RXRB: variants seen among roughly 807,000 people sequenced by gnomAD.
RXRB encodes retinoic acid receptor RXR-beta.
Under a neutral mutation model 52.5 loss-of-function variants are expected in RXRB, and 18 were observed. That is an observed-to-expected ratio of 0.34 (90% CI 0.24 to 0.51). The LOEUF (loss-of-function observed/expected upper bound fraction) is 0.51, where lower values mean the gene tolerates loss of function less well. Ranked by LOEUF, RXRB falls within the 20% of genes least tolerant of loss-of-function variation. The probability of loss-of-function intolerance (pLI) is 0.97; values close to 1 mark genes in which losing one functional copy is unlikely to be tolerated. For synonymous variants in RXRB, 233 were observed against 267.1 expected (o/e 0.87, Z 1.25); for missense variants, 455 against 698.2 (o/e 0.65, Z 3.92).
chr6:33,194,522 T>C lies in RXRB; in HGVS notation c.*160A>G. The C allele has an allele frequency of 1.4e-6, 1 of 692,076 alleles. No homozygotes were observed. Among genetic ancestry groups the C allele is most frequent in the Non-Finnish European group, 2.3e-6 (1 of 437,746 alleles). The allele number at this position is 692,076 out of a possible 1,614,324, so 42.9% of individuals were successfully genotyped here. A position where few individuals can be genotyped will look rare whatever the true frequency, so the allele number is the denominator to read the frequency against. On this transcript the variant is annotated 3_prime_UTR_variant, in exon 10 of 10. Transcript: ENST00000374680. The surrounding 1 kb of genome is among the most constrained non-coding windows in gnomAD (Gnocchi z 4.1). The stretch of plus-strand genomic sequence containing the variant: ...CTGGGGTCCCTTCCAACTTGGGATA[T>C]CAAGCAGATCCCTTGGAGGGTTTAT...
chr6:33,195,361 A>T lies in RXRB; in HGVS notation c.1348+2T>A. ...GAGAGACAAAGGTAATCCTCCTCTT[A>T]CCTGGATTAAACAGAATGATTGCCC... On this transcript the variant is annotated splice_donor_variant, in intron 8 of 9. Transcript: ENST00000374680. LOFTEE classifies it high-confidence loss of function. This position sits in a 1 kb window ranked among gnomAD's most constrained non-coding sequence, Gnocchi z 8.6. The T allele has an allele frequency of 6.3e-7, 1 of 1,597,030 alleles. No homozygotes were observed. Among genetic ancestry groups the T allele is most frequent in the Non-Finnish European group, 8.6e-7 (1 of 1,165,448 alleles).
In RXRB at chr6:33,195,089, A is replaced by G. The variant is rs779038665; in HGVS notation, c.1349-39T>C. The G allele has an allele frequency of 6.8e-7, 1 of 1,460,472 alleles. No individual in the cohort carries two copies. Among genetic ancestry groups the G allele is most frequent in the South Asian group, 1.1e-5 (1 of 87,652 alleles). The allele number at this position is 1,460,472 out of a possible 1,614,324, so 90.5% of individuals were successfully genotyped here. On this transcript the variant is annotated intron_variant, in intron 8 of 9. Transcript: ENST00000374680. The surrounding 1 kb of genome is among the most constrained non-coding windows in gnomAD (Gnocchi z 8.6). ...GAAGAGAGGAGGAAGAGAAATGAAG[A>G]CAAACCAAATCAGGATGGCCATGCA...
In RXRB at chr6:33,197,882, G is replaced by A; in HGVS notation, c.700C>T (p.Arg234Cys). ...GCKGFFKRTI[R>C]KDLTYSCRDN... ...CGGCAAGAGTATGTAAGGTCTTTGC[G>A]GATGGTGCGTTTGAAGAAGCCCTTG... The change falls in exon 4 of 10, where the codon CGC becomes TGC. Residue 234 changes from arginine to cysteine, a missense_variant. By Grantham distance (180) the Arg-to-Cys change is radical. Transcript: ENST00000374680. The surrounding 1 kb of genome is among the most constrained non-coding windows in gnomAD (Gnocchi z 4.4). The A allele has an allele frequency of 1.2e-6, 2 of 1,613,598 alleles. No individual in the cohort carries two copies. The highest frequency in any genetic ancestry group is 1.7e-6 in the Non-Finnish European group (2 of 1,180,020).
chr6:33,200,234 G>A lies in RXRB; in HGVS notation c.235+8C>T, dbSNP rs953831063. 4.8e-5 allele frequency: 77 copies of A among 1,605,378 alleles called. No individual in the cohort carries two copies. The highest frequency in any genetic ancestry group is 5.9e-5 in the Non-Finnish European group (69 of 1,177,416). On this transcript the variant is annotated splice_region_variant and intron_variant, in intron 1 of 9. Transcript: ENST00000374680. This position sits in a 1 kb window ranked among gnomAD's most constrained non-coding sequence, Gnocchi z 6.3. The stretch of plus-strand genomic sequence containing the variant: ...CTGGCTCGCCTGCCCTTCTGCTGGG[G>A]CACTCACCCCGCCCGCTGTCGCCCA...
rs759479158 is a variant in RXRB, at chr6:33,197,738, C to T, written c.820+24G>A. ...AGGGAGAAGGGCATGTGGTCTAAGA[C>T]GCCTGGGCAGGGCGGGTCCTTACCC... On this transcript the variant is annotated intron_variant, in intron 4 of 9. Coordinates refer to ENST00000374680, the MANE Select transcript of RXRB (RefSeq NM_021976.5). This position sits in a 1 kb window ranked among gnomAD's most constrained non-coding sequence, Gnocchi z 4.4. 3.5e-5 allele frequency: 57 copies of T among 1,611,702 alleles called. 2 individuals are homozygous for T. In the African/African-American group the frequency reaches 5.1e-4, roughly 14 times the overall value.
chr6:33,197,692 G>T lies in RXRB; in HGVS notation c.820+70C>A. ...GAGAGCAGTCCACCCTTCCAGAGAG[G>T]TACACAGTCTGAGTGGGATAAGGGA... On this transcript the variant is annotated intron_variant, in intron 4 of 9. Transcript: ENST00000374680. This position sits in a 1 kb window ranked among gnomAD's most constrained non-coding sequence, Gnocchi z 4.4. 1 of 1,439,402 alleles carries T rather than the reference G, an allele frequency of 6.9e-7. No individual in the cohort carries two copies. The highest frequency in any genetic ancestry group is 9.7e-7 in the Non-Finnish European group (1 of 1,036,004). The allele number at this position is 1,439,402 out of a possible 1,614,324, so 89.2% of individuals were successfully genotyped here.
chr6:33,199,495 C>G (rs918101068), intron 1 of RXRB, 79 bp from the exon 2 acceptor site: 6 of 1,130,254 alleles, frequency 5.3e-6, no homozygotes, highest in Non-Finnish European at 6.9e-6. Context: ...CTTCAAACAT[C>G]CAACTAGAGA....
Position 33,199,324 on chromosome 6 carries a change from C to T in RXRB, c.328G>A (p.Ala110Thr), listed in dbSNP as rs1374475725. 4.5e-6 allele frequency: 5 copies of T among 1,119,132 alleles called. No individual in the cohort carries two copies. Among genetic ancestry groups the T allele is most frequent in the East Asian group, 3.5e-5 (1 of 28,752 alleles). The allele number at this position is 1,119,132 out of a possible 1,614,324, so 69.3% of individuals were successfully genotyped here. The change falls in exon 2 of 10, where the codon GCT becomes ACT. Residue 110 changes from alanine to threonine, a missense_variant. Coordinates refer to ENST00000374680, the MANE Select transcript of RXRB (RefSeq NM_021976.5). ...GCCCCAGAGCCTCCAAGGGATGGAG[C>T]TGTTGAAGGGGGTAGGGGTGGCCCA... ...PPGPPLPPST[A>T]PSLGGSGAPP...
At chr6:33,200,765 A>C, upstream of RXRB, 1 of 1,535,120 alleles carries the variant, frequency 6.5e-7, no homozygotes, top group Non-Finnish European at 8.8e-7. This position sits in a 1 kb window ranked among gnomAD's most constrained non-coding sequence, Gnocchi z 6.3. Flanking sequence ...CCCTCAAATC[A>C]CCTCCACACT....
upstream of RXRB, chr6:33,200,686 GC>G: frequency 6.5e-7 from 1 of 1,543,192 alleles, no homozygotes; most frequent in Non-Finnish European, 8.7e-7. This position sits in a 1 kb window ranked among gnomAD's most constrained non-coding sequence, Gnocchi z 6.3. Flanking sequence ...GCGAGTTCCC[GC>G]CCCCTCGTCT....
At position 33,199,161 on chromosome 6, in the gene RXRB, C is replaced by T; in HGVS notation, c.483+8G>A. 1 of 1,298,260 alleles carries T rather than the reference C, an allele frequency of 7.7e-7. No homozygotes were observed. Among genetic ancestry groups the T allele is most frequent in the Non-Finnish European group, 9.8e-7 (1 of 1,017,400 alleles). 80.4% of individuals were successfully genotyped at this position (1,298,260 alleles called of 1,614,324 possible). On this transcript the variant is annotated splice_region_variant and intron_variant, in intron 2 of 9. Transcript: ENST00000374680. Reference sequence around the variant, plus strand: ...TGGCCAGGCAGTAAGTTGGTCACAACCTCTCACCTGGGGGCTGCTGACAGG... The same window carrying T: ...TGGCCAGGCAGTAAGTTGGTCACAATCTCTCACCTGGGGGCTGCTGACAGG...
rs950049122 is a variant in RXRB at position 33,197,114 on chromosome 6, C to T, written c.821-508G>A. 2.0e-5 allele frequency among the ~76,000 whole-genome samples: 3 copies of T among 152,158 alleles called. No homozygotes were observed. Among genetic ancestry groups the T allele is most frequent in the African/African-American group, 7.2e-5 (3 of 41,410 alleles). On this transcript the variant is annotated intron_variant, in intron 4 of 9. Transcript: ENST00000374680. The surrounding 1 kb of genome is among the most constrained non-coding windows in gnomAD (Gnocchi z 4.4). ...TGTGTCTGAGTGCAAATCTTGTGCTCTTCTGACTCAACAAATAGGCAGTGA... is the reference window on the plus strand; with the variant it reads ...TGTGTCTGAGTGCAAATCTTGTGCTTTTCTGACTCAACAAATAGGCAGTGA...
intron 1 of RXRB, 123 bp from the exon 2 acceptor site, chr6:33,199,539 C>T: frequency 1.4e-6 from 1 of 733,250 alleles, no homozygotes. Context: ...GTGCCGGACC[C>T]AGCCCACTCC....
chr6:33,200,748 C>A (rs951119647), upstream of RXRB: 1 of 1,543,788 alleles, frequency 6.5e-7, no homozygotes, highest in Non-Finnish European at 8.7e-7. This position sits in a 1 kb window ranked among gnomAD's most constrained non-coding sequence, Gnocchi z 6.3. Context: ...CCGCCTCGCC[C>A]ACCCTCCCCT....
chr6:33,198,473 G>A lies in RXRB; in HGVS notation c.484-9C>T, dbSNP rs1174485526. ...GACACTGTTGAGTTAATCTGGGATG[G>A]GGGAAATAGGGAAGTCACAGGAAGA... is the stretch of plus-strand genomic sequence containing the variant. On this transcript the variant is annotated splice_polypyrimidine_tract_variant and intron_variant, in intron 2 of 9. Coordinates refer to ENST00000374680, the MANE Select transcript of RXRB (RefSeq NM_021976.5). The A allele has an allele frequency of 1.2e-6, 2 of 1,612,004 alleles. No homozygotes were observed. The highest frequency in any genetic ancestry group is 1.7e-5 in the Admixed American group (1 of 59,994).
In RXRB at chr6:33,194,817, C is replaced by G; in HGVS notation, c.1467G>C (p.Leu489=). ...ACCGGAGGGCAGGAAGACGTAGCAGCAGCTTGGCAAACCTGGGGTGGAGGT... is the reference window on the plus strand; with the variant it reads ...ACCGGAGGGCAGGAAGACGTAGCAGGAGCTTGGCAAACCTGGGGTGGAGGT... ...YPEQQGRFAK[L]LLRLPALRSI... Residue 489 remains leucine, a synonymous_variant, in exon 10 of 10, where the codon CTG becomes CTC. Transcript: ENST00000374680. The surrounding 1 kb of genome is among the most constrained non-coding windows in gnomAD (Gnocchi z 4.1). 6.2e-7 allele frequency: 1 copy of G among 1,612,954 alleles called. No individual in the cohort carries two copies. The highest frequency in any genetic ancestry group is 8.5e-7 in the Non-Finnish European group (1 of 1,180,004).
Position 33,199,226 on chromosome 6 carries a change from G to A in RXRB, c.426C>T (p.Ser142=). Residue 142 remains serine (S), a synonymous_variant, in exon 2 of 10, where the codon TCC becomes TCT. Coordinates refer to ENST00000374680, the MANE Select transcript of RXRB (RefSeq NM_021976.5). ...PFPVISSSMG[S]PGLPPPAPPG... ...GGGGAGCTGGAGGGGGCAGACCAGG[G>A]GACCCCATGGAAGAACTGATGACTG... 7.9e-7 allele frequency: 1 copy of A among 1,261,932 alleles called. No homozygotes were observed. Among genetic ancestry groups the A allele is most frequent in the African/African-American group, 1.5e-5 (1 of 65,288 alleles). 78.2% of individuals were successfully genotyped at this position (1,261,932 alleles called of 1,614,324 possible). A position where few individuals can be genotyped will look rare whatever the true frequency, so the allele number is the denominator to read the frequency against.
In RXRB at chr6:33,195,014, A is replaced by G; in HGVS notation, c.1385T>C (p.Val462Ala). ...TGATGCATACACTTTCTCCCGCAGGACCTCCACCTCACTAGGGTTGGAGAG... is the reference window on the plus strand; with the variant it reads ...TGATGCATACACTTTCTCCCGCAGGGCCTCCACCTCACTAGGGTTGGAGAG... ...KGLSNPSEVEVLREKVYASLE... is the reference protein window; with the variant it reads ...KGLSNPSEVEALREKVYASLE... Residue 462 changes from valine (V) to alanine (A), a missense_variant, in exon 9 of 10, where the codon GTC (valine) becomes GCC (alanine). Coordinates refer to ENST00000374680, the MANE Select transcript of RXRB (RefSeq NM_021976.5). This position sits in a 1 kb window ranked among gnomAD's most constrained non-coding sequence, Gnocchi z 8.6. 6.2e-7 allele frequency: 1 copy of G among 1,612,766 alleles called. No homozygotes were observed.
chr6:33,194,449 T>G lies in RXRB; in HGVS notation c.*233A>C. 2.0e-6 allele frequency: 1 copy of G among 502,956 alleles called. No homozygotes were observed. 31.2% of individuals were successfully genotyped at this position (502,956 alleles called of 1,614,324 possible). A position where few individuals can be genotyped will look rare whatever the true frequency, so the allele number is the denominator to read the frequency against. The stretch of plus-strand genomic sequence containing the variant: ...CAAATCATGGGAGAACCCGACAAAT[T>G]CAGAGACTCAAGGCCACCGAAGAGA... On this transcript the variant is annotated 3_prime_UTR_variant, in exon 10 of 10. Transcript: ENST00000374680. The surrounding 1 kb of genome is among the most constrained non-coding windows in gnomAD (Gnocchi z 4.1).
Sources: allele counts gnomAD v4.1 joint callset (sites outside exome capture counted in the v4.1 genomes callset), GRCh38; gene constraint gnomAD v4.1.1; non-coding constraint Gnocchi (gnomAD v3.1); transcripts MANE v1.5; gene names NCBI Gene and HGNC (gene_info 2026-07-23, HGNC 2026-07-21).